Variants in CFAP206 observed in about 807,000 individuals in gnomAD.
CFAP206 encodes the protein cilia and flagella associated protein 206, also known as cilia- and flagella-associated protein 206.
Under a neutral mutation model 65.4 loss-of-function variants are expected in CFAP206, and 53 were observed. The observed-to-expected ratio is 0.81, with a 90% confidence interval of 0.65 to 1.02. The LOEUF (loss-of-function observed/expected upper bound fraction) is 1.02. Among genes scored for constraint, CFAP206 ranks in the 50% least tolerant of loss-of-function variants. CFAP206 has a pLI of 0.00. For missense variants in CFAP206, 663 were observed against 753.2 expected (o/e 0.88, Z 1.40); for synonymous variants, 250 against 254.4 (o/e 0.98, Z 0.17).
At chr6:87,414,175 T>A (rs554234477) in intron 4 of CFAP206, among the ~76,000 whole-genome samples, 2 of 152,354 alleles carry the variant, frequency 1.3e-5, no homozygotes, top group East Asian at 3.9e-4. Flanking sequence ...CCATTGAAGT[T>A]AAAAGTTTTT....
chr6:87,415,630 C>T (rs752869369), intron 4 of CFAP206, 56 bp from the exon 5 acceptor site: 117 of 1,479,766 alleles, frequency 7.9e-5, no homozygotes, highest in Admixed American at 2.1e-4. Context: ...CTAGTTCTTA[C>T]GTAAGAAGAA....
chr6:87,438,017 A>G (rs1176732017), intron 11 of CFAP206, among the ~76,000 whole-genome samples: 1 of 151,602 alleles, frequency 6.6e-6, no homozygotes, highest in Non-Finnish European at 1.5e-5. Context: ...AATCTATATA[A>G]CAGATACTCT....
chr6:87,426,792 G>T (rs12529618), intron 8 of CFAP206, 147 bp downstream of exon 8: 1 of 649,382 alleles, frequency 1.5e-6, no homozygotes, highest in Admixed American at 4.1e-5. Context: ...TTACTTTGCC[G>T]TAATAGTGTG....
intron 11 of CFAP206, chr6:87,441,782 C>A: frequency 4.2e-6 from 1 of 238,488 alleles, no homozygotes; most frequent in Non-Finnish European, 8.6e-6. Context: ...GGTGTGGGCA[C>A]ACTTGGTGAG....
intron 11 of CFAP206, among the ~76,000 whole-genome samples, chr6:87,457,384 A>T (rs1768665690): frequency 6.6e-6 from 1 of 152,084 alleles, no homozygotes; most frequent in African/African-American, 2.4e-5. Flanking sequence ...AAAGAACAAA[A>T]CTGGAGGAAT....
chr6:87,415,445 T>G (rs1767808778), intron 4 of CFAP206: 1 of 472,040 alleles, frequency 2.1e-6, no homozygotes, highest in South Asian at 2.0e-5. Context: ...GTTTGGCTGT[T>G]TAAAGTCTTA....
At chr6:87,435,857 G>A (rs548282073) in intron 11 of CFAP206, 1 of 151,830 alleles carries the variant, frequency 6.6e-6, no homozygotes, top group Admixed American at 6.6e-5. Context: ...GTAGAGATGG[G>A]GTCTCGCCAT....
At chr6:87,423,450 G>T (rs1767984277) in intron 7 of CFAP206, among the ~76,000 whole-genome samples, 1 of 149,414 alleles carries the variant, frequency 6.7e-6, no homozygotes, top group East Asian at 2.0e-4. Flanking sequence ...GGGTTTCACC[G>T]TGTTAGCTAG....
chr6:87,412,138 C>T (rs1336898106), intron 3 of CFAP206, among the ~76,000 whole-genome samples: 3 of 152,192 alleles, frequency 2.0e-5, no homozygotes, highest in East Asian at 1.9e-4. Flanking sequence ...ACTTTTAGTA[C>T]GACAGGTACA....
intron 10 of CFAP206, among the ~76,000 whole-genome samples, chr6:87,433,483 T>C (rs1417792218): frequency 6.6e-6 from 1 of 152,134 alleles, no homozygotes; most frequent in Non-Finnish European, 1.5e-5. Flanking sequence ...TGAAAAATAT[T>C]TGCTAATATG....
chr6:87,427,079 C>T (rs567551783), intron 8 of CFAP206, among the ~76,000 whole-genome samples: 84 of 152,178 alleles, frequency 5.5e-4, no homozygotes, highest in Non-Finnish European at 1.1e-3. Flanking sequence ...TATGGACAAA[C>T]CTGGCAAACC....
chr6:87,450,067 T>C (rs866785255), intron 11 of CFAP206, among the ~76,000 whole-genome samples: 9 of 152,212 alleles, frequency 5.9e-5, no homozygotes, highest in Admixed American at 3.3e-4. Context: ...TACCATTTAT[T>C]GAGGAGACTG....
intron 11 of CFAP206, chr6:87,444,726 T>C: frequency 2.6e-6 from 1 of 379,300 alleles, no homozygotes; most frequent in South Asian, 2.2e-5. Flanking sequence ...CTTTGATCGC[T>C]CACTCTTCAT....
chr6:87,427,305 T>A (rs1359275596), intron 8 of CFAP206, among the ~76,000 whole-genome samples: 1 of 151,864 alleles, frequency 6.6e-6, no homozygotes, highest in Non-Finnish European at 1.5e-5. Context: ...GCCCAGCTAA[T>A]TTTTTTTGCA....
chr6:87,413,626 A>G (rs545252933), intron 3 of CFAP206, among the ~76,000 whole-genome samples, 184 bp from the exon 4 acceptor site: 39 of 152,332 alleles, frequency 2.6e-4, no homozygotes, highest in African/African-American at 8.9e-4. Flanking sequence ...AAATAAAAAA[A>G]GTTATTGGTT....
chr6:87,463,835 A>C (rs577568608), intron 12 of CFAP206, among the ~76,000 whole-genome samples, 185 bp from the exon 13 acceptor site: 19 of 152,242 alleles, frequency 1.2e-4, no homozygotes, highest in African/African-American at 4.3e-4. Context: ...CGTCTTGGTA[A>C]GGGATATTTA....
Position 87,435,067 on chromosome 6 carries a change from A to G in CFAP206, c.1494+14A>G, listed in dbSNP as rs770822667. 1.3e-6 allele frequency: 2 copies of G among 1,518,942 alleles called. No homozygotes were observed. Among genetic ancestry groups the G allele is most frequent in the Non-Finnish European group, 1.8e-6 (2 of 1,118,414 alleles). The allele number at this position is 1,518,942 out of a possible 1,614,324, so 94.1% of individuals were successfully genotyped here. On this transcript the variant is annotated intron_variant, in intron 11 of 12. Transcript: ENST00000369562. Reference sequence around the variant, plus strand: ...CCATATTCTCAGGTAAGCAGGGTCAATATTTTATGAATTTATGACATTTAA... The same window carrying G: ...CCATATTCTCAGGTAAGCAGGGTCAGTATTTTATGAATTTATGACATTTAA...
At chr6:87,445,071 A>T in intron 11 of CFAP206, 1 of 508,394 alleles carries the variant, frequency 2.0e-6, no homozygotes. Context: ...GAATAAGTCA[A>T]TGGCTTTCTA....
At chr6:87,456,072 TC>T (rs1768636959) in intron 11 of CFAP206, among the ~76,000 whole-genome samples, 1 of 152,086 alleles carries the variant, frequency 6.6e-6, no homozygotes, top group Non-Finnish European at 1.5e-5. Context: ...AAACTAGAGG[TC>T]AGTATTGCTG....
Sources: gnomAD v4.1 joint callset for allele counts (sites outside exome capture counted in the v4.1 genomes callset) on GRCh38, gnomAD v4.1.1 for gene constraint, MANE v1.5 for transcripts, NCBI Gene and HGNC (gene_info 2026-07-23, HGNC 2026-07-21) for gene names.